RABGAP1L: variants seen among roughly 807,000 people sequenced by gnomAD.
RABGAP1L encodes RAB GTPase activating protein 1 like.
A neutral mutation model predicts 137.7 loss-of-function variants in RABGAP1L; 63 were observed. That is an observed-to-expected ratio of 0.46 (90% CI 0.37 to 0.56). The LOEUF (loss-of-function observed/expected upper bound fraction) is 0.56, where lower values mean the gene tolerates loss of function less well. RABGAP1L is among the 20% of genes least tolerant of loss of function. The probability of loss-of-function intolerance (pLI) is 0.00; values close to 1 mark genes in which losing one functional copy is unlikely to be tolerated. For missense variants in RABGAP1L, 1,095 were observed against 1,244.0 expected (o/e 0.88, Z 1.80); for synonymous variants, 431 against 433.7 (o/e 0.99, Z 0.08).
intron 17 of RABGAP1L, among the ~76,000 whole-genome samples, chr1:174,731,451 T>G (rs1682466578): frequency 6.6e-6 from 1 of 152,256 alleles, no homozygotes; most frequent in Admixed American, 6.5e-5. Flanking sequence ...TGATAACTTT[T>G]TCTTGATTTT....
intron 11 of RABGAP1L, among the ~76,000 whole-genome samples, chr1:174,307,729 A>G (rs1423012139): frequency 1.3e-5 from 2 of 152,070 alleles, no homozygotes; most frequent in African/African-American, 4.8e-5. Context: ...TTCAGTGGAC[A>G]CTGGTTGGTT....
At chr1:174,422,410 CA>C (rs1187589295) in intron 13 of RABGAP1L, among the ~76,000 whole-genome samples, 1 of 151,762 alleles carries the variant, frequency 6.6e-6, no homozygotes, top group African/African-American at 2.4e-5. Context: ...CTTCCAAAAA[CA>C]GTTTTTAGGA....
chr1:174,518,312 G>A (rs962527543), intron 13 of RABGAP1L, among the ~76,000 whole-genome samples: 1 of 152,044 alleles, frequency 6.6e-6, no homozygotes, highest in Admixed American at 6.6e-5. Context: ...GTTTCAGGAC[G>A]CCCACAGACG....
intron 5 of RABGAP1L, among the ~76,000 whole-genome samples, chr1:174,248,500 A>G (rs947497993): frequency 6.6e-6 from 1 of 152,202 alleles, no homozygotes; most frequent in East Asian, 1.9e-4. Flanking sequence ...TGATATAAAT[A>G]TGGTGCTACT....
chr1:174,225,323 T>C (rs1330197125), intron 3 of RABGAP1L, among the ~76,000 whole-genome samples: 1 of 152,162 alleles, frequency 6.6e-6, no homozygotes, highest in Non-Finnish European at 1.5e-5. Flanking sequence ...ACGTTTATTT[T>C]ATGGATTATT....
At chr1:174,710,400 G>A (rs765784927) in intron 17 of RABGAP1L, among the ~76,000 whole-genome samples, 1 of 152,102 alleles carries the variant, frequency 6.6e-6, no homozygotes, top group Non-Finnish European at 1.5e-5. Context: ...TTGAAATGAA[G>A]GAAAAAATGT....
intron 19 of RABGAP1L, among the ~76,000 whole-genome samples, chr1:174,817,739 C>A (rs754092826): frequency 6.6e-6 from 1 of 152,102 alleles, no homozygotes; most frequent in African/African-American, 2.4e-5. Flanking sequence ...GGTTAAGATT[C>A]GGTATTGGTG....
At chr1:174,985,161 C>G (rs1392874240) in intron 24 of RABGAP1L, among the ~76,000 whole-genome samples, 1 of 152,206 alleles carries the variant, frequency 6.6e-6, no homozygotes, top group Admixed American at 6.5e-5. Flanking sequence ...GTGGGCGGAT[C>G]ACTTGAGTCC....
chr1:174,566,574 T>C (rs1278727104), intron 13 of RABGAP1L, among the ~76,000 whole-genome samples: 1 of 152,190 alleles, frequency 6.6e-6, no homozygotes, highest in Non-Finnish European at 1.5e-5. Flanking sequence ...CTTCTTCTCT[T>C]TATGCCTTAT....
At chr1:174,913,695 T>C (rs566948397) in intron 19 of RABGAP1L, among the ~76,000 whole-genome samples, 3 of 152,324 alleles carry the variant, frequency 2.0e-5, no homozygotes, top group African/African-American at 7.2e-5. Context: ...TCTCTATAAA[T>C]GAGCTGTCTG....
chr1:174,761,122 C>T lies in RABGAP1L; in HGVS notation c.2211+8768C>T, dbSNP rs751570923. Reference sequence around the variant, plus strand: ...AGTTCCACGTGGCTGGGCCAGGCCTCACAATCATGAAGGACGGCAAGGAGG... The same window carrying T: ...AGTTCCACGTGGCTGGGCCAGGCCTTACAATCATGAAGGACGGCAAGGAGG... On this transcript the variant is annotated intron_variant, in intron 18 of 25. Transcript: ENST00000681986. This position sits in a 1 kb window ranked among gnomAD's most constrained non-coding sequence, Gnocchi z 4.0. Among the ~76,000 whole-genome samples the T allele has an allele frequency of 4.6e-5, 7 of 152,212 alleles. No individual in the cohort carries two copies. Among genetic ancestry groups the T allele is most frequent in the African/African-American group, 7.2e-5 (3 of 41,454 alleles).
At chr1:174,762,015 G>A (rs1685267146) in intron 18 of RABGAP1L, among the ~76,000 whole-genome samples, 1 of 152,132 alleles carries the variant, frequency 6.6e-6, no homozygotes, top group African/African-American at 2.4e-5. Flanking sequence ...ACTAGAGGGT[G>A]AGATTTGGAC....
chr1:174,383,948 T>A (rs1686484126), intron 12 of RABGAP1L, among the ~76,000 whole-genome samples: 1 of 152,176 alleles, frequency 6.6e-6, no homozygotes, highest in African/African-American at 2.4e-5. Context: ...CTGCTGTGTG[T>A]TTACCAAAGT....
At chr1:174,613,320 T>C (rs555305182) in intron 13 of RABGAP1L, among the ~76,000 whole-genome samples, 380 of 152,294 alleles carry the variant, frequency 2.5e-3, no homozygotes, top group Non-Finnish European at 3.6e-3. Context: ...ATGTACCCAG[T>C]AGTCATTCAG....
At chr1:174,204,984 C>T (rs1668405489) in intron 1 of RABGAP1L, among the ~76,000 whole-genome samples, 1 of 152,206 alleles carries the variant, frequency 6.6e-6, no homozygotes, top group Non-Finnish European at 1.5e-5. Context: ...TCATAAATTA[C>T]CCAGTCATGG....
intron 1 of RABGAP1L, among the ~76,000 whole-genome samples, chr1:174,189,365 G>A (rs1479282083): frequency 6.6e-6 from 1 of 152,202 alleles, no homozygotes; most frequent in Non-Finnish European, 1.5e-5. Context: ...GTTTAATGAA[G>A]CCACATTTAT....
At chr1:174,769,045 C>T (rs1685901969) in intron 18 of RABGAP1L, among the ~76,000 whole-genome samples, 1 of 152,140 alleles carries the variant, frequency 6.6e-6, no homozygotes, top group Admixed American at 6.5e-5. Flanking sequence ...ACTGTAACCA[C>T]CTGACAGGTG....
intron 21 of RABGAP1L, among the ~76,000 whole-genome samples, chr1:174,970,827 A>C (rs570593018): frequency 3.9e-5 from 6 of 152,152 alleles, no homozygotes; most frequent in Non-Finnish European, 8.8e-5. Context: ...TATTTTATCT[A>C]TGTTCACTAG....
chr1:174,277,605 C>G (rs1020772623), intron 9 of RABGAP1L, among the ~76,000 whole-genome samples: 40 of 150,776 alleles, frequency 2.7e-4, no homozygotes, highest in African/African-American at 8.5e-4. Flanking sequence ...AAAATGTTGC[C>G]CTGATTTTTA....
Sources: gnomAD v4.1 joint callset for allele counts (sites outside exome capture counted in the v4.1 genomes callset) on GRCh38, gnomAD v4.1.1 for gene constraint, Gnocchi (gnomAD v3.1) non-coding constraint, MANE v1.5 for transcripts, NCBI Gene and HGNC (gene_info 2026-07-23, HGNC 2026-07-21) for gene names.